The following VAC14 variants were observed in gnomAD, a reference collection of about 807,000 sequenced individuals.
The protein encoded by VAC14 is protein VAC14 homolog.
Under a neutral mutation model 85.3 loss-of-function variants are expected in VAC14, and 47 were observed. The observed-to-expected ratio is 0.55, with a 90% CI of 0.44 to 0.70. VAC14 has a LOEUF of 0.70. Among genes scored for constraint, VAC14 ranks in the 30% least tolerant of loss-of-function variants. VAC14 has a pLI of 0.00. For synonymous variants in VAC14, 447 were observed against 430.5 expected, an observed-to-expected ratio of 1.04 and a Z score of -0.47; for missense variants, 861 against 1,004.3, an observed-to-expected ratio of 0.86 and a Z score of 1.93.
intron 10 of VAC14, 135 bp downstream of exon 10, chr16:70,771,974 T>C: frequency 1.3e-6 from 1 of 745,232 alleles, no homozygotes; most frequent in Non-Finnish European, 2.2e-6. Flanking sequence ...ATTAACTCTT[T>C]TGTGTACGAG....
chr16:70,784,470 G>T (rs960572116), intron 4 of VAC14, among the ~76,000 whole-genome samples: 3 of 152,170 alleles, frequency 2.0e-5, no homozygotes, highest in East Asian at 3.9e-4. Context: ...TACTCTCTGT[G>T]GTCTGGATGG....
chr16:70,690,438 C>G, intron 18 of VAC14: 3 of 985,610 alleles, frequency 3.0e-6, no homozygotes, highest in Non-Finnish European at 2.4e-6. Flanking sequence ...GTCCAGGACT[C>G]AGGGCCGGCT....
intron 12 of VAC14, chr16:70,755,125 C>A (rs546174536): frequency 1.3e-5 from 3 of 236,346 alleles, no homozygotes; most frequent in South Asian, 3.7e-5. Flanking sequence ...TGCACCCAGG[C>A]GGCTTCTACA....
At chr16:70,694,714 T>A (rs1287916022) in intron 17 of VAC14, among the ~76,000 whole-genome samples, 1 of 152,158 alleles carries the variant, frequency 6.6e-6, no homozygotes, top group Non-Finnish European at 1.5e-5. Flanking sequence ...ATTCAAAGTG[T>A]GTATGTTGAG....
intron 12 of VAC14, among the ~76,000 whole-genome samples, chr16:70,761,602 T>A (rs990826256): frequency 1.3e-5 from 2 of 152,162 alleles, no homozygotes; most frequent in Non-Finnish European, 2.9e-5. Context: ...AAGGTGTGTG[T>A]GGCTGGGGCA....
At chr16:70,726,899 C>A (rs897872302) in intron 14 of VAC14, among the ~76,000 whole-genome samples, 2 of 152,208 alleles carry the variant, frequency 1.3e-5, no homozygotes, top group Non-Finnish European at 2.9e-5. Context: ...GAAGTCCAAC[C>A]CACTCAAGCC....
chr16:70,707,750 G>C (rs1456615783), intron 14 of VAC14, among the ~76,000 whole-genome samples: 1 of 151,910 alleles, frequency 6.6e-6, no homozygotes, highest in Non-Finnish European at 1.5e-5. Context: ...CTTCTCCTCA[G>C]AATGGAAGTC....
chr16:70,798,052 T>C (rs2034620857), intron 1 of VAC14, among the ~76,000 whole-genome samples: 1 of 152,236 alleles, frequency 6.6e-6, no homozygotes, highest in South Asian at 2.1e-4. Context: ...TTTACAACAT[T>C]AGCTCAAACA....
At chr16:70,709,330 C>T (rs1308141580) in intron 14 of VAC14, among the ~76,000 whole-genome samples, 1 of 152,058 alleles carries the variant, frequency 6.6e-6, no homozygotes, top group Non-Finnish European at 1.5e-5. Flanking sequence ...GCCTTAGACA[C>T]ACTTTTCCGG....
At chr16:70,736,727 T>C (rs1333710179) in intron 13 of VAC14, among the ~76,000 whole-genome samples, 1 of 152,142 alleles carries the variant, frequency 6.6e-6, no homozygotes, top group Non-Finnish European at 1.5e-5. Context: ...GCGATTCACA[T>C]CCTCAGCTGA....
At position 70,694,802 on chromosome 16, in the gene VAC14, T is replaced by G. The variant is rs3785424; in HGVS notation, c.2035+742A>C. On this transcript the variant is annotated intron_variant, in intron 17 of 18. Coordinates refer to ENST00000261776, the MANE Select transcript of VAC14 (RefSeq NM_018052.5). ...TGGGTGTTACTAAGCAGGCAGCTCC[T>G]GCCCACTGGCTCCCAGCAAATGCCA... is the stretch of plus-strand genomic sequence containing the variant. Among the ~76,000 whole-genome samples, 5 of 152,366 alleles carry G rather than the reference T, an allele frequency of 3.3e-5. No homozygotes were observed. The East Asian group carries it at 9.6e-4, about 29-fold the overall frequency.
chr16:70,733,991 T>G (rs983717914), intron 13 of VAC14, among the ~76,000 whole-genome samples: 3 of 151,938 alleles, frequency 2.0e-5, no homozygotes, highest in Non-Finnish European at 4.4e-5. Context: ...CCTGACTAAT[T>G]TTTTCTATTT....
chr16:70,738,955 A>C (rs1414324648), intron 13 of VAC14, among the ~76,000 whole-genome samples: 1 of 152,216 alleles, frequency 6.6e-6, no homozygotes, highest in Non-Finnish European at 1.5e-5. Flanking sequence ...CCACCCACCC[A>C]GGCAGCCTGA....
chr16:70,764,835 C>T (rs536693544), intron 10 of VAC14, among the ~76,000 whole-genome samples: 20 of 152,354 alleles, frequency 1.3e-4, no homozygotes, highest in African/African-American at 3.6e-4. Context: ...CAACAGTCCA[C>T]GCCAGGACTT....
At chr16:70,783,951 C>T (rs530280136) in intron 5 of VAC14, among the ~76,000 whole-genome samples, 162 bp downstream of exon 5, 26 of 152,200 alleles carry the variant, frequency 1.7e-4, no homozygotes, top group African/African-American at 2.6e-4. Flanking sequence ...TGGTGGGTTT[C>T]GGGGGCAAAG....
intron 12 of VAC14, among the ~76,000 whole-genome samples, chr16:70,760,235 T>C (rs1307853763): frequency 1.3e-5 from 2 of 152,148 alleles, no homozygotes; most frequent in Non-Finnish European, 1.5e-5. Flanking sequence ...TAGTCTTGAA[T>C]CCCAGGGAGC....
intron 1 of VAC14, among the ~76,000 whole-genome samples, chr16:70,800,288 T>C (rs1280984055): frequency 6.6e-6 from 1 of 152,220 alleles, no homozygotes; most frequent in African/African-American, 2.4e-5. Context: ...AAGGGTGTTA[T>C]AACACAGATA....
At position 70,772,162 on chromosome 16, in the gene VAC14, A is replaced by G; in HGVS notation, c.1107T>C (p.Asp369=). The G allele has an allele frequency of 6.2e-7, 1 of 1,614,108 alleles. No individual in the cohort carries two copies. Among genetic ancestry groups the G allele is most frequent in the South Asian group, 1.1e-5 (1 of 91,074 alleles). ...TACTGAAGCTGGAGTCACAGGAACCATCTGGACCTCCTGGGAGAGGAAGAG... is the reference window on the plus strand; with the variant it reads ...TACTGAAGCTGGAGTCACAGGAACCGTCTGGACCTCCTGGGAGAGGAAGAG... ...KQEGTASGGP[D]GSCDSSFSSG... The change falls in exon 10 of 19, where the codon GAT becomes GAC. Residue 369 remains aspartate (D), a synonymous_variant. Coordinates refer to ENST00000261776, the MANE Select transcript of VAC14 (RefSeq NM_018052.5).
In VAC14 at chr16:70,698,110, T is replaced by C. The variant is rs554996845; in HGVS notation, c.1836+527A>G. Among the ~76,000 whole-genome samples, 463 of 152,264 alleles carry C rather than the reference T, an allele frequency of 3.0e-3. 1 individual carries two copies. Among genetic ancestry groups the C allele is most frequent in the Non-Finnish European group, 5.1e-3 (349 of 68,004 alleles). Reference sequence around the variant, plus strand: ...CGTTGGTGCATCCCCATCCAGAGCCTGGGACGGATGGGCAACAAACTTGAC... The same window carrying C: ...CGTTGGTGCATCCCCATCCAGAGCCCGGGACGGATGGGCAACAAACTTGAC... On this transcript the variant is annotated intron_variant, in intron 15 of 18. Coordinates refer to ENST00000261776, the MANE Select transcript of VAC14 (RefSeq NM_018052.5).
Sources: gnomAD v4.1 joint callset for allele counts (sites outside exome capture counted in the v4.1 genomes callset) on GRCh38, gnomAD v4.1.1 for gene constraint, MANE v1.5 for transcripts, NCBI Gene and HGNC (gene_info 2026-07-23, HGNC 2026-07-21) for gene names.